The following SPATA17 variants were observed in gnomAD, a reference collection of about 807,000 sequenced individuals.
SPATA17 encodes spermatogenesis associated 17, also known as spermatogenesis-associated protein 17.
A neutral mutation model predicts 62.2 loss-of-function variants in SPATA17; 53 were observed. The ratio of observed to expected loss-of-function variants is 0.85; its 90% CI spans 0.68 to 1.07. The LOEUF (loss-of-function observed/expected upper bound fraction) is 1.07, where lower values mean the gene tolerates loss of function less well. SPATA17 is among the 50% of genes least tolerant of loss of function. The pLI is 0.00. For synonymous variants in SPATA17, 146 were observed against 146.8 expected, an observed-to-expected ratio of 0.99 and a Z score of 0.04; for missense variants, 466 against 425.5, an observed-to-expected ratio of 1.10 and a Z score of -0.84.
intron 3 of SPATA17, among the ~76,000 whole-genome samples, chr1:217,660,633 C>G (rs1670545671): frequency 6.6e-6 from 1 of 152,154 alleles, no homozygotes; most frequent in African/African-American, 2.4e-5. Context: ...CACACCCAAA[C>G]TGAAGCTTTA....
In SPATA17 at chr1:217,797,205, C is replaced by G. The variant is rs542231341; in HGVS notation, c.873-4513C>G. ...AGGCACGAACTGGTTATAACTCAGC[C>G]CCTCAGCCCTCAAAACATTAAATTT... On this transcript the variant is annotated intron_variant, in intron 8 of 10. Coordinates refer to ENST00000366933, the MANE Select transcript of SPATA17 (RefSeq NM_138796.4). Among the ~76,000 whole-genome samples, 31 of 152,002 alleles carry G rather than the reference C, an allele frequency of 2.0e-4. No individual in the cohort carries two copies. In the East Asian group the frequency reaches 5.8e-3, roughly 28 times the overall value.
intron 9 of SPATA17, among the ~76,000 whole-genome samples, chr1:217,843,445 C>T (rs1438925729): frequency 6.6e-6 from 1 of 151,800 alleles, no homozygotes; most frequent in Non-Finnish European, 1.5e-5. Flanking sequence ...CAAGAACCCC[C>T]ATCTCTACAA....
intron 5 of SPATA17, among the ~76,000 whole-genome samples, chr1:217,699,372 T>C (rs1043803157): frequency 1.3e-5 from 2 of 152,222 alleles, no homozygotes; most frequent in African/African-American, 4.8e-5. Context: ...GTATTTATTA[T>C]TTTTATGTTT....
At chr1:217,673,748 G>A (rs1335799521) in intron 4 of SPATA17, among the ~76,000 whole-genome samples, 3 of 152,152 alleles carry the variant, frequency 2.0e-5, no homozygotes, top group Non-Finnish European at 4.4e-5. Flanking sequence ...TGGGCTTAGA[G>A]AGTCCGGTTC....
At chr1:217,804,164 T>A (rs1025670678) in intron 9 of SPATA17, among the ~76,000 whole-genome samples, 5 of 152,140 alleles carry the variant, frequency 3.3e-5, no homozygotes, top group African/African-American at 1.2e-4. Context: ...TATTACAAAG[T>A]CATAGTAATC....
At chr1:217,647,488 A>G (rs989498315) in intron 1 of SPATA17, among the ~76,000 whole-genome samples, 1 of 152,214 alleles carries the variant, frequency 6.6e-6, no homozygotes, top group African/African-American at 2.4e-5. Context: ...GACAAAATAG[A>G]TAAGACTACT....
intron 9 of SPATA17, among the ~76,000 whole-genome samples, chr1:217,823,387 G>A (rs185490617): frequency 7.2e-5 from 11 of 152,032 alleles, no homozygotes; most frequent in African/African-American, 2.7e-4. Context: ...CACCAACTGA[G>A]AATGTTGTTT....
At chr1:217,662,961 C>T (rs1334944860) in intron 3 of SPATA17, among the ~76,000 whole-genome samples, 2 of 152,034 alleles carry the variant, frequency 1.3e-5, no homozygotes, top group African/African-American at 4.8e-5. Context: ...GTCTAAACTT[C>T]AAAGACAGGA....
At chr1:217,850,530 C>G in intron 9 of SPATA17, 1 of 1,583,946 alleles carries the variant, frequency 6.3e-7, no homozygotes, top group Non-Finnish European at 8.7e-7. Context: ...GGGGAGGATG[C>G]CTTCCTTATC....
At chr1:217,768,004 T>C (rs1335849600) in intron 6 of SPATA17, among the ~76,000 whole-genome samples, 2 of 152,144 alleles carry the variant, frequency 1.3e-5, no homozygotes, top group South Asian at 2.1e-4. Flanking sequence ...TCCAGCACTT[T>C]GGGAGACTGA....
At chr1:217,705,514 C>T (rs952191494) in intron 5 of SPATA17, among the ~76,000 whole-genome samples, 12 of 116,806 alleles carry the variant, frequency 1.0e-4, no homozygotes, top group African/African-American at 3.9e-4. Flanking sequence ...AATCTTGGTT[C>T]ACTGCAACCT....
At chr1:217,822,789 T>C (rs916051724) in intron 9 of SPATA17, among the ~76,000 whole-genome samples, 1 of 151,320 alleles carries the variant, frequency 6.6e-6, no homozygotes, top group African/African-American at 2.4e-5. Flanking sequence ...TTTTCTATTT[T>C]TTTTATATAT....
At chr1:217,851,485 A>G (rs1487025678) in intron 9 of SPATA17, among the ~76,000 whole-genome samples, 2 of 152,128 alleles carry the variant, frequency 1.3e-5, no homozygotes, top group East Asian at 3.8e-4. Context: ...TCTTTCATTT[A>G]AAAAACCTTG....
intron 9 of SPATA17, among the ~76,000 whole-genome samples, chr1:217,804,166 A>G (rs1674378536): frequency 6.6e-6 from 1 of 152,230 alleles, no homozygotes; most frequent in East Asian, 1.9e-4. Context: ...TTACAAAGTC[A>G]TAGTAATCAA....
rs759734832 is a variant in SPATA17, at chr1:217,683,315, T to A, written c.349T>A (p.Leu117Met). Residue 117 changes from leucine (L) to methionine (M), a missense_variant, in exon 5 of 11, where the codon TTG becomes ATG. Coordinates refer to ENST00000366933, the MANE Select transcript of SPATA17 (RefSeq NM_138796.4). Reference protein sequence around the residue: ...VRKYLFNYYYLKEYLKVVSET... With the variant: ...VRKYLFNYYYMKEYLKVVSET... The stretch of plus-strand genomic sequence containing the variant: ...GAAGTACCTCTTTAATTATTATTAT[T>A]TGAAAGAGTACCTGAAAGTCGTTTC... 8.1e-6 allele frequency: 13 copies of A among 1,610,296 alleles called. No homozygotes were observed. Among genetic ancestry groups the A allele is most frequent in the Non-Finnish European group, 1.1e-5 (13 of 1,178,236 alleles).
intron 9 of SPATA17, among the ~76,000 whole-genome samples, chr1:217,804,128 G>T (rs1252745725): frequency 6.6e-6 from 1 of 152,070 alleles, no homozygotes; most frequent in Non-Finnish European, 1.5e-5. Context: ...AAAGATGGAA[G>T]CATCACACTA....
intron 5 of SPATA17, among the ~76,000 whole-genome samples, chr1:217,687,949 T>A (rs1318400388): frequency 6.6e-6 from 1 of 152,246 alleles, no homozygotes; most frequent in East Asian, 1.9e-4. Flanking sequence ...TTTTTCTGTT[T>A]CCTTTTATAT....
chr1:217,664,934 A>C (rs1038804410), intron 3 of SPATA17, among the ~76,000 whole-genome samples: 2 of 152,154 alleles, frequency 1.3e-5, no homozygotes, highest in Middle Eastern at 3.2e-3. Context: ...ACAGCTAAAA[A>C]GGAATGGTAA....
At chr1:217,679,028 G>A (rs1270581173) in intron 4 of SPATA17, among the ~76,000 whole-genome samples, 1 of 151,932 alleles carries the variant, frequency 6.6e-6, no homozygotes, top group Non-Finnish European at 1.5e-5. Flanking sequence ...ATATTTACTA[G>A]TACTGGAATA....
Sources: gnomAD v4.1 joint callset for allele counts (sites outside exome capture counted in the v4.1 genomes callset) on GRCh38, gnomAD v4.1.1 for gene constraint, MANE v1.5 for transcripts, NCBI Gene and HGNC (gene_info 2026-07-23, HGNC 2026-07-21) for gene names.